Variants in CORO2B observed in about 807,000 individuals in gnomAD.
CORO2B encodes coronin-2B.
A neutral mutation model predicts 58.8 loss-of-function variants in CORO2B; 26 were observed. The ratio of observed to expected loss-of-function variants is 0.44; its 90% CI spans 0.32 to 0.61. The LOEUF is 0.61. Ranked by LOEUF, CORO2B falls within the 20% of genes least tolerant of loss-of-function variation. The pLI is 0.04. For synonymous variants in CORO2B, 242 were observed against 253.8 expected (o/e 0.95, Z 0.44); for missense variants, 460 against 645.1 (o/e 0.71, Z 3.11).
chr15:68,645,204 C>T lies in CORO2B; in HGVS notation c.60C>T (p.Val20=), dbSNP rs1293264714. ...ACCGTAGCTCCAAGTTCCGGAATGT[C>T]TACGGGAAGGTGGCCAACCGGGAGC... ...PQYRSSKFRN[V]YGKVANREHC... Residue 20 remains valine, a synonymous_variant, in exon 2 of 12, where the codon GTC becomes GTT. Transcript: ENST00000261861. The surrounding 1 kb of genome is among the most constrained non-coding windows in gnomAD (Gnocchi z 4.5). 6.2e-7 allele frequency: 1 copy of T among 1,614,190 alleles called. No individual in the cohort carries two copies. Among genetic ancestry groups the T allele is most frequent in the South Asian group, 1.1e-5 (1 of 91,078 alleles).
At chr15:68,519,235 C>A in the CORO2B span, among the ~76,000 whole-genome samples, 4 of 152,118 alleles carry the variant, frequency 2.6e-5, no homozygotes, top group South Asian at 6.2e-4. Flanking sequence ...AAGGAGAAGA[C>A]CTTCAGAAAG....
chr15:68,672,345 C>T (rs1902430848), intron 2 of CORO2B, among the ~76,000 whole-genome samples: 1 of 152,120 alleles, frequency 6.6e-6, no homozygotes, highest in African/African-American at 2.4e-5. Context: ...AAGTGATCCT[C>T]CCACCTCAGC....
chr15:68,535,541 T>C, the CORO2B span, among the ~76,000 whole-genome samples: 1 of 152,190 alleles, frequency 6.6e-6, no homozygotes, highest in Non-Finnish European at 1.5e-5. Context: ...ATTATTATTA[T>C]TATTAAGCTT....
intron 11 of CORO2B, among the ~76,000 whole-genome samples, chr15:68,721,840 G>A (rs559590465): frequency 3.5e-4 from 54 of 152,164 alleles, no homozygotes; most frequent in African/African-American, 1.1e-3. Context: ...CTCAATCTCC[G>A]AGGCTCAAGC....
chr15:68,574,478 C>T (rs931329459), upstream of CORO2B, among the ~76,000 whole-genome samples: 8 of 152,194 alleles, frequency 5.3e-5, no homozygotes, highest in Admixed American at 1.3e-4. Context: ...GCCCTCCTCA[C>T]TCTGTAGAGT....
At chr15:68,584,794 T>G (rs1899510820) in intron 1 of CORO2B, among the ~76,000 whole-genome samples, 1 of 152,188 alleles carries the variant, frequency 6.6e-6, no homozygotes, top group African/African-American at 2.4e-5. Context: ...CCCAGGGTCC[T>G]GGAGCACCCT....
At chr15:68,627,356 A>C (rs888970564) in intron 1 of CORO2B, among the ~76,000 whole-genome samples, 6 of 152,196 alleles carry the variant, frequency 3.9e-5, no homozygotes, top group African/African-American at 1.4e-4. Context: ...ACTTGCCCTC[A>C]GTGCCTGAGA....
chr15:68,688,619 T>G (rs1477945945), intron 2 of CORO2B, among the ~76,000 whole-genome samples: 2 of 152,354 alleles, frequency 1.3e-5, no homozygotes, highest in East Asian at 3.9e-4. Context: ...AGCGTAGATC[T>G]TTAGCAATGC....
intron 1 of CORO2B, among the ~76,000 whole-genome samples, chr15:68,642,116 A>C (rs1901267292): frequency 7.0e-6 from 1 of 143,830 alleles, no homozygotes; most frequent in Non-Finnish European, 1.5e-5. Flanking sequence ...GGCTCACTGC[A>C]ACCTCTGCCG....
At chr15:68,615,969 G>A (rs1346940912) in intron 1 of CORO2B, among the ~76,000 whole-genome samples, 2 of 152,158 alleles carry the variant, frequency 1.3e-5, no homozygotes, top group African/African-American at 2.4e-5. Flanking sequence ...GGGTGGAGGA[G>A]GCTGCCGTTT....
At chr15:68,569,436 A>G in the CORO2B span, among the ~76,000 whole-genome samples, 1 of 152,206 alleles carries the variant, frequency 6.6e-6, no homozygotes, top group East Asian at 1.9e-4. Context: ...TATGCATTTA[A>G]GGTTCCTCTA....
At chr15:68,638,561 T>C (rs994919050) in intron 1 of CORO2B, among the ~76,000 whole-genome samples, 1 of 152,164 alleles carries the variant, frequency 6.6e-6, no homozygotes. Flanking sequence ...CTTTACACTT[T>C]TGTGTAGGGC....
At chr15:68,625,660 A>G (rs1047396001) in intron 1 of CORO2B, among the ~76,000 whole-genome samples, 1 of 152,004 alleles carries the variant, frequency 6.6e-6, no homozygotes, top group African/African-American at 2.4e-5. Flanking sequence ...GCTAGAGTGC[A>G]GTGGTATGAA....
intron 2 of CORO2B, among the ~76,000 whole-genome samples, chr15:68,646,728 T>C (rs924708666): frequency 1.2e-4 from 19 of 152,326 alleles, no homozygotes; most frequent in African/African-American, 4.1e-4. Context: ...ACATCTGTCA[T>C]GTTGGCCTTA....
chr15:68,601,301 C>T (rs1490195755), intron 1 of CORO2B, among the ~76,000 whole-genome samples: 2 of 152,300 alleles, frequency 1.3e-5, no homozygotes, highest in East Asian at 1.9e-4. Context: ...GGGCGGCAGG[C>T]GGGGACAGGA....
intron 2 of CORO2B, among the ~76,000 whole-genome samples, chr15:68,673,972 G>A (rs369709587): frequency 2.0e-5 from 3 of 152,154 alleles, no homozygotes; most frequent in Admixed American, 6.5e-5. Context: ...GGACCCAGAA[G>A]CAGCAGTAGG....
chr15:68,522,727 G>C, the CORO2B span, among the ~76,000 whole-genome samples: 1 of 152,150 alleles, frequency 6.6e-6, no homozygotes, highest in African/African-American at 2.4e-5. Context: ...ATAGATTGTT[G>C]TTCTCAAGCA....
chr15:68,572,611 C>A, the CORO2B span, among the ~76,000 whole-genome samples: 6 of 152,172 alleles, frequency 3.9e-5, no homozygotes, highest in African/African-American at 1.4e-4. Flanking sequence ...CTCACCACCC[C>A]CCAGCTCCAG....
chr15:68,587,899 G>A (rs905340113), intron 1 of CORO2B, among the ~76,000 whole-genome samples: 7 of 152,148 alleles, frequency 4.6e-5, no homozygotes, highest in African/African-American at 9.7e-5. Flanking sequence ...GGAATGACCC[G>A]GAAATATGTG....
Sources: allele counts gnomAD v4.1 joint callset (sites outside exome capture counted in the v4.1 genomes callset), GRCh38; gene constraint gnomAD v4.1.1; non-coding constraint Gnocchi (gnomAD v3.1); transcripts MANE v1.5; gene names NCBI Gene and HGNC (gene_info 2026-07-23, HGNC 2026-07-21).